Variants in ABCC9 observed in about 807,000 individuals in gnomAD.
ABCC9 encodes the protein ATP binding cassette subfamily C member 9.
ABCC9 carries 95 observed loss-of-function variants against 188.3 expected under a neutral mutation model. That is an observed-to-expected ratio of 0.50 (90% CI 0.43 to 0.60). The LOEUF is 0.60. Among genes scored for constraint, ABCC9 ranks in the 20% least tolerant of loss-of-function variants. The pLI, the probability that ABCC9 is intolerant of heterozygous loss-of-function variation, is 0.00. For missense variants in ABCC9, 1,102 were observed against 1,876.3 expected, an observed-to-expected ratio of 0.59 and a Z score of 7.62; for synonymous variants, 659 against 652.7, an observed-to-expected ratio of 1.01 and a Z score of -0.15.
At chr12:21,925,422 A>G (rs1388170016) in intron 5 of ABCC9, 3 of 686,622 alleles carry the variant, frequency 4.4e-6, no homozygotes, top group South Asian at 3.1e-5. Flanking sequence ...TCAGGACAGC[A>G]TACTTTTCAT....
In ABCC9 at chr12:21,868,309, G is replaced by A. The variant is rs371887195; in HGVS notation, c.2199-3832C>T. ...TGCAGTAGGTCAGAGTACTTTACTC[G>A]ATTTTGTTCATGCCTGTGCATGAGG... On this transcript the variant is annotated intron_variant, in intron 18 of 39. Coordinates refer to ENST00000261200, the MANE Select transcript of ABCC9 (RefSeq NM_020297.4). Among the ~76,000 whole-genome samples the A allele has an allele frequency of 6.6e-5, 10 of 152,266 alleles. No individual in the cohort carries two copies. In the East Asian group the frequency reaches 1.2e-3, roughly 18 times the overall value.
At chr12:21,816,036 GTTTTTTTTTTTTTTTTTTTTTTT>G (rs10611051) in intron 33 of ABCC9, 143 bp from the exon 34 acceptor site, 878 of 58,266 alleles carry the variant, frequency 0.015, 18 homozygotes, top group African/African-American at 0.048. Context: ...CTATGTGGCA[GTTTTTTTTTTTTTTTTTTTTTTT>G]TTTTTTTTTT....
At chr12:21,876,921 G>C (rs1041736083) in intron 16 of ABCC9, among the ~76,000 whole-genome samples, 5 of 152,150 alleles carry the variant, frequency 3.3e-5, no homozygotes, top group African/African-American at 4.8e-5. Flanking sequence ...GCTTGAAAAG[G>C]CTAGCTTATG....
At position 21,799,774 on chromosome 12, in the gene ABCC9, A is replaced by G. The variant is rs1156870585; in HGVS notation, c.*1270T>C. 6.6e-6 allele frequency: 1 copy of G among 152,186 alleles called. No homozygotes were observed. The highest frequency in any genetic ancestry group is 1.5e-5 in the Non-Finnish European group (1 of 68,034). The allele number at this position is 152,186 out of a possible 1,614,324, so 9.4% of individuals were successfully genotyped here. A position where few individuals can be genotyped will look rare whatever the true frequency, so the allele number is the denominator to read the frequency against. ...ATGTGGATCTTCATATGAAAAAGAAATCAATGATATTGACACTGGATGGGC... is the reference window on the plus strand; with the variant it reads ...ATGTGGATCTTCATATGAAAAAGAAGTCAATGATATTGACACTGGATGGGC... On this transcript the variant is annotated 3_prime_UTR_variant, in exon 40 of 40. Transcript: ENST00000261200.
At chr12:21,843,360 T>C (rs1053838303) in intron 28 of ABCC9, among the ~76,000 whole-genome samples, 2 of 152,212 alleles carry the variant, frequency 1.3e-5, no homozygotes, top group Non-Finnish European at 2.9e-5. Flanking sequence ...TTCTCCATGC[T>C]GCTCTTTTGA....
chr12:21,881,547 A>G (rs1343191644), intron 16 of ABCC9, among the ~76,000 whole-genome samples: 8 of 152,218 alleles, frequency 5.3e-5, no homozygotes, highest in East Asian at 1.9e-4. Flanking sequence ...GAAAATGTCA[A>G]TTAAAAACTG....
chr12:21,824,118 C>T (rs1260813294), intron 31 of ABCC9, among the ~76,000 whole-genome samples: 1 of 152,076 alleles, frequency 6.6e-6, no homozygotes, highest in Non-Finnish European at 1.5e-5. Context: ...GAAAAGAAAG[C>T]GCTGTATTTT....
rs1315126636 is a variant in ABCC9, at chr12:21,915,355, A to G, written c.816+313T>C. Reference sequence around the variant, plus strand: ...TATATATAGACATGTGTATGTATATATAATGTGTATATATGTGTGTATATA... The same window carrying G: ...TATATATAGACATGTGTATGTATATGTAATGTGTATATATGTGTGTATATA... On this transcript the variant is annotated intron_variant, in intron 7 of 39. Transcript: ENST00000261200. 2.8e-5 allele frequency among the ~76,000 whole-genome samples: 4 copies of G among 145,140 alleles called. 1 individual carries two copies. The South Asian group carries it at 8.7e-4, about 32-fold the overall frequency.
At chr12:21,932,450 G>A in intron 4 of ABCC9, among the ~76,000 whole-genome samples, 1 of 152,128 alleles carries the variant, frequency 6.6e-6, no homozygotes, top group Non-Finnish European at 1.5e-5. Flanking sequence ...CTCCTGCACA[G>A]CAAAAGAAAC....
intron 5 of ABCC9, among the ~76,000 whole-genome samples, chr12:21,920,456 T>C (rs1378723419): frequency 6.6e-6 from 1 of 152,078 alleles, no homozygotes; most frequent in Non-Finnish European, 1.5e-5. Flanking sequence ...TGTAGGTATA[T>C]ATTTATGGGT....
At chr12:21,917,393 T>A (rs756230390) in intron 5 of ABCC9, among the ~76,000 whole-genome samples, 1 of 152,180 alleles carries the variant, frequency 6.6e-6, no homozygotes, top group Non-Finnish European at 1.5e-5. Context: ...AAAATGTACG[T>A]GTAAGTCTAT....
At chr12:21,923,239 G>T (rs79461374) in intron 5 of ABCC9, 1 of 151,622 alleles carries the variant, frequency 6.6e-6, no homozygotes, top group Non-Finnish European at 1.5e-5. Flanking sequence ...AGACAAAGAT[G>T]TCTTAAGACA....
chr12:21,824,924 G>C (rs540703190), intron 31 of ABCC9, among the ~76,000 whole-genome samples: 1 of 113,432 alleles, frequency 8.8e-6, no homozygotes. Context: ...CTATTTTGTT[G>C]ATCTTTTTTG....
chr12:21,869,481 T>G (rs1945953184), intron 18 of ABCC9: 1 of 152,190 alleles, frequency 6.6e-6, no homozygotes, highest in African/African-American at 2.4e-5. Context: ...TGCAAAAATG[T>G]AAATCACTCC....
intron 15 of ABCC9, among the ~76,000 whole-genome samples, chr12:21,885,207 A>G (rs187944273): frequency 6.6e-6 from 1 of 152,288 alleles, no homozygotes; most frequent in African/African-American, 2.4e-5. Context: ...AAGCACTCTC[A>G]AGAAGGAGTT....
chr12:21,868,876 T>A (rs1945920151), intron 18 of ABCC9, among the ~76,000 whole-genome samples: 1 of 152,204 alleles, frequency 6.6e-6, no homozygotes, highest in Non-Finnish European at 1.5e-5. Context: ...TTATATGCCT[T>A]TATTGGACTG....
chr12:21,939,242 A>G (rs1237694880), intron 2 of ABCC9, among the ~76,000 whole-genome samples: 1 of 152,038 alleles, frequency 6.6e-6, no homozygotes, highest in Non-Finnish European at 1.5e-5. Flanking sequence ...GCATTACCTT[A>G]CCGCATGTCT....
intron 4 of ABCC9, among the ~76,000 whole-genome samples, chr12:21,929,707 A>G (rs1299418195): frequency 6.6e-6 from 1 of 152,210 alleles, no homozygotes; most frequent in Non-Finnish European, 1.5e-5. Flanking sequence ...AGATGGGGCA[A>G]GAGAAAAAGC....
chr12:21,805,325 T>C lies in ABCC9; in HGVS notation c.4512+673A>G, dbSNP rs1555176155. On this transcript the variant is annotated intron_variant, in intron 39 of 39. Coordinates refer to ENST00000261200, the MANE Select transcript of ABCC9 (RefSeq NM_020297.4). ...AGAGACACGGTGCTGGAGAGAAAAATAGAAAAGAAGAGAATCAGCAGAAGG... is the reference window on the plus strand; with the variant it reads ...AGAGACACGGTGCTGGAGAGAAAAACAGAAAAGAAGAGAATCAGCAGAAGG... 9.3e-6 allele frequency: 15 copies of C among 1,612,516 alleles called. No homozygotes were observed. Among genetic ancestry groups the C allele is most frequent in the East Asian group, 2.2e-5 (1 of 44,830 alleles).
Sources: allele counts gnomAD v4.1 joint callset (sites outside exome capture counted in the v4.1 genomes callset), GRCh38; gene constraint gnomAD v4.1.1; transcripts MANE v1.5; gene names NCBI Gene and HGNC (gene_info 2026-07-23, HGNC 2026-07-21).